Variants in DOCK1 observed in about 807,000 individuals in gnomAD.
The protein encoded by DOCK1 is dedicator of cytokinesis 1, also known as dedicator of cytokinesis protein 1.
In DOCK1, 138 loss-of-function variants were observed where a neutral mutation model predicts 262.7. That is an observed-to-expected ratio of 0.53 (90% CI 0.46 to 0.61). The LOEUF (loss-of-function observed/expected upper bound fraction) is 0.61, where lower values mean the gene tolerates loss of function less well. Ranked by LOEUF, DOCK1 falls within the 20% of genes least tolerant of loss-of-function variation. DOCK1 has a pLI of 0.00. For synonymous variants in DOCK1, 866 were observed against 867.4 expected (o/e 1.00, Z 0.03); for missense variants, 1,908 against 2,370.7 (o/e 0.80, Z 4.05).
chr10:126,948,615 A>T (rs1249881780), intron 1 of DOCK1, among the ~76,000 whole-genome samples: 6 of 151,906 alleles, frequency 3.9e-5, no homozygotes, highest in East Asian at 1.9e-4. Flanking sequence ...CCACAGATGG[A>T]GAAGGAAAGT....
intron 29 of DOCK1, among the ~76,000 whole-genome samples, chr10:127,310,571 A>T (rs1293779619): frequency 6.6e-6 from 1 of 152,194 alleles, no homozygotes; most frequent in African/African-American, 2.4e-5. Flanking sequence ...GTAATTTGTA[A>T]CAGAAGCAGA....
At position 126,987,524 on chromosome 10, in the gene DOCK1, A is replaced by T. The variant is rs373898575; in HGVS notation, c.231A>T (p.Gln77His). The T allele has an allele frequency of 7.0e-6, 11 of 1,576,350 alleles. No individual in the cohort carries two copies. In the African/African-American group the frequency reaches 1.5e-4, roughly 21 times the overall value. Residue 77 changes from glutamine (Q) to histidine (H), a missense_variant, in exon 5 of 52, where the codon CAA (glutamine) becomes CAT (histidine). Physicochemically the swap from Gln to His is conservative, Grantham distance 24. This residue lies in a region of DOCK1 where 227 missense variants were observed against 254.1 expected (regional missense o/e 0.89). Transcript: ENST00000623213. ...CTCTTTCCTTCTTTCCTCCCAGGCA[A>T]CATGAAACAGTCATCCCGGGTGACC... ...LKEAIVEGKG[Q>H]HETVIPGDLP... is the part of the protein sequence containing the mutation.
chr10:127,322,368 T>G (rs888548489), intron 29 of DOCK1, among the ~76,000 whole-genome samples: 6 of 149,252 alleles, frequency 4.0e-5, no homozygotes, highest in African/African-American at 1.5e-4. Context: ...TTTTGTATTT[T>G]TAGTAGTGAT....
rs1048015585 is a variant in DOCK1 at position 127,189,975 on chromosome 10, G to C, written c.2848-58033G>C. On this transcript the variant is annotated intron_variant, in intron 27 of 51. Coordinates refer to ENST00000623213, the MANE Select transcript of DOCK1 (RefSeq NM_001290223.2). ...AGAGACAGACATCTCCTTCTCTCAT[G>C]CTGGCCCGATGAACTCTCCAGTTTT... Among the ~76,000 whole-genome samples, 5 of 152,188 alleles carry C rather than the reference G, an allele frequency of 3.3e-5. No individual in the cohort carries two copies. The South Asian group carries it at 8.3e-4, about 25-fold the overall frequency.
intron 40 of DOCK1, among the ~76,000 whole-genome samples, chr10:127,407,047 G>A (rs115903326): frequency 6.6e-6 from 1 of 151,700 alleles, no homozygotes; most frequent in African/African-American, 2.4e-5. Context: ...GCGGTGGGGA[G>A]AAATAGAGCA....
At chr10:127,206,136 CTT>C (rs34450374) in intron 27 of DOCK1, among the ~76,000 whole-genome samples, 210 of 78,624 alleles carry the variant, frequency 2.7e-3, no homozygotes, top group East Asian at 0.025. Context: ...TTCTTCTTCT[CTT>C]TTTTTTTTTT....
intron 23 of DOCK1, among the ~76,000 whole-genome samples, chr10:127,105,843 T>G (rs2048497595): frequency 1.3e-5 from 2 of 152,188 alleles, no homozygotes; most frequent in Admixed American, 1.3e-4. Context: ...CACTGCAACC[T>G]CTACTTCCTG....
chr10:127,138,898 A>G (rs1042272808), intron 27 of DOCK1, among the ~76,000 whole-genome samples: 7 of 152,174 alleles, frequency 4.6e-5, no homozygotes, highest in Non-Finnish European at 1.0e-4. Flanking sequence ...ACCACATTTG[A>G]TCTTCTAACT....
chr10:127,018,974 C>G (rs1234794288), intron 13 of DOCK1, 139 bp downstream of exon 13: 2 of 1,295,470 alleles, frequency 1.5e-6, no homozygotes, highest in Admixed American at 2.7e-5. Flanking sequence ...TAAGCCCCAG[C>G]ATGGTTATGG....
At chr10:127,147,885 GC>G (rs1268037642) in intron 27 of DOCK1, among the ~76,000 whole-genome samples, 1 of 151,656 alleles carries the variant, frequency 6.6e-6, no homozygotes, top group African/African-American at 2.4e-5. Context: ...ACAAAAATTA[GC>G]CAGGATTGGC....
chr10:127,253,230 A>G (rs1196590264), intron 28 of DOCK1, among the ~76,000 whole-genome samples: 1 of 152,198 alleles, frequency 6.6e-6, no homozygotes, highest in African/African-American at 2.4e-5. Context: ...GATTCTCTGT[A>G]GTTAGCTAGA....
chr10:127,259,819 C>T (rs1319432743), intron 29 of DOCK1, among the ~76,000 whole-genome samples: 1 of 148,866 alleles, frequency 6.7e-6, no homozygotes, highest in Non-Finnish European at 1.5e-5. Context: ...TAATTGAGAG[C>T]CTGTTTTCAG....
At chr10:127,059,255 T>C (rs1282708813) in intron 22 of DOCK1, among the ~76,000 whole-genome samples, 1 of 152,208 alleles carries the variant, frequency 6.6e-6, no homozygotes. Flanking sequence ...TCTGTGGTTA[T>C]TGACAATCTT....
chr10:126,927,294 AG>A (rs2033814764), intron 1 of DOCK1, among the ~76,000 whole-genome samples: 1 of 152,174 alleles, frequency 6.6e-6, no homozygotes, highest in African/African-American at 2.4e-5. Flanking sequence ...GGAGGTGAGC[AG>A]GAGAGAATTA....
chr10:127,381,446 G>A (rs2065818931), intron 37 of DOCK1, 78 bp downstream of exon 37: 1 of 1,337,512 alleles, frequency 7.5e-7, no homozygotes, highest in East Asian at 2.4e-5. Context: ...TTTTTCCATG[G>A]CAAATTTTAG....
chr10:127,075,081 A>G, intron 23 of DOCK1, among the ~76,000 whole-genome samples: 1 of 149,154 alleles, frequency 6.7e-6, no homozygotes, highest in Non-Finnish European at 1.5e-5. Context: ...AGGCAGGAGA[A>G]TCGCCTGAAC....
At chr10:126,948,857 G>T (rs959036079) in intron 1 of DOCK1, among the ~76,000 whole-genome samples, 4 of 152,066 alleles carry the variant, frequency 2.6e-5, no homozygotes, top group Non-Finnish European at 5.9e-5. Flanking sequence ...CCTGAGGTTG[G>T]GGATATGTGT....
chr10:127,318,342 A>T (rs775745892), intron 29 of DOCK1, among the ~76,000 whole-genome samples: 3 of 152,184 alleles, frequency 2.0e-5, no homozygotes, highest in Non-Finnish European at 2.9e-5. Context: ...CAGCCAAATG[A>T]GATGACAGGT....
At chr10:126,968,171 C>G (rs1374079509) in intron 1 of DOCK1, among the ~76,000 whole-genome samples, 1 of 152,072 alleles carries the variant, frequency 6.6e-6, no homozygotes, top group Non-Finnish European at 1.5e-5. Flanking sequence ...CCCCTGTGGC[C>G]GTGAAAGCTT....
Sources: allele counts gnomAD v4.1 joint callset (sites outside exome capture counted in the v4.1 genomes callset), GRCh38; gene constraint gnomAD v4.1.1; regional missense constraint gnomAD v4.1.1; transcripts MANE v1.5; gene names NCBI Gene and HGNC (gene_info 2026-07-23, HGNC 2026-07-21).